Variants in MED24 observed in about 807,000 individuals in gnomAD.
The protein encoded by MED24 is mediator of RNA polymerase II transcription subunit 24.
MED24 carries 74 observed loss-of-function variants against 118.8 expected under a neutral mutation model. The ratio of observed to expected loss-of-function variants is 0.62; its 90% CI spans 0.52 to 0.76. The LOEUF (loss-of-function observed/expected upper bound fraction) is 0.76, where lower values mean the gene tolerates loss of function less well. Ranked by LOEUF, MED24 falls within the 30% of genes least tolerant of loss-of-function variation. The probability of loss-of-function intolerance (pLI) is 0.00; values close to 1 mark genes in which losing one functional copy is unlikely to be tolerated. For synonymous variants in MED24, 521 were observed against 523.9 expected (o/e 0.99, Z 0.08); for missense variants, 1,041 against 1,278.9 (o/e 0.81, Z 2.84).
At chr17:40,030,885 C>T (rs1983292026) in intron 12 of MED24, among the ~76,000 whole-genome samples, 1 of 152,156 alleles carries the variant, frequency 6.6e-6, no homozygotes, top group Non-Finnish European at 1.5e-5. Context: ...TCTTGAACTC[C>T]TGGCCTCCAA....
rs144775755 is a variant in MED24 at position 40,033,198 on chromosome 17, G to A, written c.680C>T (p.Thr227Met). The A allele has an allele frequency of 5.4e-5, 87 of 1,613,946 alleles. No homozygotes were observed. The highest frequency in any genetic ancestry group is 4.9e-4 in the South Asian group (45 of 91,090). The change falls in exon 8 of 26, where the codon ACG becomes ATG. Residue 227 changes from threonine (T) to methionine (M), a missense_variant. Thr to Met is a moderately conservative substitution (Grantham distance 81, BLOSUM62 -1). Around this residue, in one of 3 missense-constraint regions of MED24, gnomAD observed 434 missense variants for 514.9 expected, o/e 0.84. Coordinates refer to ENST00000394128, the MANE Select transcript of MED24 (RefSeq NM_014815.4). This position sits in a 1 kb window ranked among gnomAD's most constrained non-coding sequence, Gnocchi z 5.2. ...QCGTLIRSIP[T>M]MLSVHAEQMH... ...CTGCTCCGCATGCACAGACAGCATC[G>A]TGGGGATGCTGAGGGGTCACAAACA...
chr17:40,044,658 G>A (rs1298589181), intron 3 of MED24, among the ~76,000 whole-genome samples: 25 of 152,086 alleles, frequency 1.6e-4, no homozygotes, highest in Admixed American at 1.4e-3. Context: ...GAGGTGGGCG[G>A]ATCACGAGGT....
At chr17:40,040,964 G>A (rs1020216579) in intron 3 of MED24, among the ~76,000 whole-genome samples, 9 of 151,722 alleles carry the variant, frequency 5.9e-5, no homozygotes, top group African/African-American at 2.2e-4. Flanking sequence ...TCTAGGCTGG[G>A]CTCAAACTCC....
In MED24 at chr17:40,019,263, G is replaced by A; in HGVS notation, c.*266C>T. ...TAAGACTACTCCTGGGCTGGGGCGG[G>A]CGCACACAGGGGTGACCACTGGGCT... On this transcript the variant is annotated 3_prime_UTR_variant, in exon 26 of 26. Coordinates refer to ENST00000394128, the MANE Select transcript of MED24 (RefSeq NM_014815.4). The A allele has an allele frequency of 2.0e-6, 1 of 492,568 alleles. No individual in the cohort carries two copies. Among genetic ancestry groups the A allele is most frequent in the East Asian group, 3.5e-5 (1 of 28,822 alleles). 30.5% of individuals were successfully genotyped at this position (492,568 alleles called of 1,614,324 possible).
Position 40,026,639 on chromosome 17 carries a change from G to A in MED24, c.1809+8C>T, listed in dbSNP as rs377238436. 5 of 1,600,766 alleles carry A rather than the reference G, an allele frequency of 3.1e-6. No homozygotes were observed. The highest frequency in any genetic ancestry group is 1.7e-4 in the Middle Eastern group (1 of 6,056). On this transcript the variant is annotated splice_region_variant and intron_variant, in intron 18 of 25. Coordinates refer to ENST00000394128, the MANE Select transcript of MED24 (RefSeq NM_014815.4). ...GGGGAGCAAACGCTGCTGGGAAGGC[G>A]GGGCTACCTGGATGGACTCGAAGGC...
chr17:40,027,504 C>T, intron 15 of MED24, 39 bp from the exon 16 acceptor site: 4 of 1,573,092 alleles, frequency 2.5e-6, no homozygotes, highest in Non-Finnish European at 3.5e-6. Flanking sequence ...CAGACGAGGG[C>T]AGGGGGGAGC....
At chr17:40,027,842 C>T in intron 15 of MED24, 67 bp downstream of exon 15, 2 of 1,552,546 alleles carry the variant, frequency 1.3e-6, no homozygotes, top group African/African-American at 2.7e-5. Context: ...CCTCCTCCCT[C>T]CCACACTCTC....
At chr17:40,047,934 T>C (rs1985424114) in intron 3 of MED24, among the ~76,000 whole-genome samples, 1 of 152,164 alleles carries the variant, frequency 6.6e-6, no homozygotes, top group African/African-American at 2.4e-5. Context: ...TTCACCATGT[T>C]GGTCAGGCTG....
rs1184906809 is a variant in MED24 at position 40,020,334 on chromosome 17, G to A, written c.2643C>T (p.Ser881=). Residue 881 remains serine, a synonymous_variant, in exon 24 of 26, where the codon AGC becomes AGT. Coordinates refer to ENST00000394128, the MANE Select transcript of MED24 (RefSeq NM_014815.4). Reference sequence around the variant, plus strand: ...TGTGGAGCTGAGAGGCTGAGAGGGAGCTGCTCATGGATCGGTCTGCTGTGG... The same window carrying A: ...TGTGGAGCTGAGAGGCTGAGAGGGAACTGCTCATGGATCGGTCTGCTGTGG... The part of the protein sequence containing the change: ...LSSPTDRSMS[S]SLSASQLHTV... The A allele has an allele frequency of 2.5e-6, 4 of 1,597,970 alleles. No homozygotes were observed. The highest frequency in any genetic ancestry group is 3.4e-6 in the Non-Finnish European group (4 of 1,172,338).
intron 3 of MED24, among the ~76,000 whole-genome samples, chr17:40,048,556 CATTTT>C (rs1342484411): frequency 6.6e-6 from 1 of 151,946 alleles, no homozygotes; most frequent in African/African-American, 2.4e-5. Flanking sequence ...AATTTTATTT[CATTTT>C]ATTTTTTATT....
intron 3 of MED24, among the ~76,000 whole-genome samples, chr17:40,050,244 T>G (rs1985694826): frequency 6.7e-6 from 1 of 149,588 alleles, no homozygotes; most frequent in Admixed American, 6.7e-5. Context: ...AGGTCAGGAG[T>G]TCGAGACCAG....
intron 1 of MED24, 74 bp from the exon 2 acceptor site, chr17:40,053,709 A>G: frequency 6.4e-7 from 1 of 1,570,066 alleles, no homozygotes; most frequent in South Asian, 1.1e-5. Flanking sequence ...GCAGAATTAA[A>G]TAGAAAGGAG....
intron 3 of MED24, among the ~76,000 whole-genome samples, chr17:40,038,161 C>T (rs1410891711): frequency 6.6e-6 from 1 of 152,074 alleles, no homozygotes; most frequent in East Asian, 1.9e-4. Flanking sequence ...TCTACCTGAA[C>T]AGTAAGTTCC....
intron 24 of MED24, 131 bp downstream of exon 24, chr17:40,020,142 A>G (rs1161441913): frequency 3.7e-6 from 4 of 1,071,378 alleles, no homozygotes; most frequent in East Asian, 2.6e-5. Context: ...ACAGCCAACA[A>G]TGAGGGGCAT....
At chr17:40,047,026 T>C (rs1051936550) in intron 3 of MED24, among the ~76,000 whole-genome samples, 9 of 152,086 alleles carry the variant, frequency 5.9e-5, no homozygotes, top group African/African-American at 2.2e-4. Flanking sequence ...GAGGATTACT[T>C]GAGCCCAGAA....
Position 40,033,340 on chromosome 17 carries a change from G to A in MED24, c.671+5C>T, listed in dbSNP as rs201795647. 1.2e-5 allele frequency: 19 copies of A among 1,612,712 alleles called. No homozygotes were observed. The highest frequency in any genetic ancestry group is 1.7e-4 in the Middle Eastern group (1 of 6,060). ...CTTCTCCACCATCCCCCAGGGAGCC[G>A]GTACCTCCTAATGAGGGTGCCACAC... is the stretch of plus-strand genomic sequence containing the variant. On this transcript the variant is annotated splice_donor_5th_base_variant and intron_variant, in intron 7 of 25. Coordinates refer to ENST00000394128, the MANE Select transcript of MED24 (RefSeq NM_014815.4). This position sits in a 1 kb window ranked among gnomAD's most constrained non-coding sequence, Gnocchi z 5.2.
At chr17:40,021,709 G>A (rs1458573768) in intron 23 of MED24, among the ~76,000 whole-genome samples, 1 of 152,220 alleles carries the variant, frequency 6.6e-6, no homozygotes, top group East Asian at 1.9e-4. Flanking sequence ...GAGGGCTGTG[G>A]GGGAACAACT....
chr17:40,051,438 AC>A (rs1263227317), intron 3 of MED24, among the ~76,000 whole-genome samples: 1 of 151,514 alleles, frequency 6.6e-6, no homozygotes, highest in Admixed American at 6.6e-5. Flanking sequence ...ACATGGTGAA[AC>A]CCCATCTCTA....
Position 40,035,052 on chromosome 17 carries a change from T to G in MED24, c.559+65A>C, listed in dbSNP as rs891194956. On this transcript the variant is annotated intron_variant, in intron 6 of 25. Coordinates refer to ENST00000394128, the MANE Select transcript of MED24 (RefSeq NM_014815.4). ...GTGGGATGGCATCCTGCCTCTCCCT[T>G]CTCAATTAAAGGACCGGCTATGGGA... is the stretch of plus-strand genomic sequence containing the variant. 8 of 1,610,056 alleles carry G rather than the reference T, an allele frequency of 5.0e-6. No individual in the cohort carries two copies. In the African/African-American group the frequency reaches 8.0e-5, roughly 16 times the overall value.
Sources: allele counts gnomAD v4.1 joint callset (sites outside exome capture counted in the v4.1 genomes callset), GRCh38; gene constraint gnomAD v4.1.1; regional missense constraint gnomAD v4.1.1; non-coding constraint Gnocchi (gnomAD v3.1); transcripts MANE v1.5; gene names NCBI Gene and HGNC (gene_info 2026-07-23, HGNC 2026-07-21).